Variants in HMGXB4 observed in about 807,000 individuals in gnomAD.
The protein encoded by HMGXB4 is HMG-box containing 4, also known as HMG domain-containing protein 4.
A neutral mutation model predicts 63.9 loss-of-function variants in HMGXB4; 27 were observed. The observed-to-expected ratio is 0.42, with a 90% CI of 0.31 to 0.58. The LOEUF (loss-of-function observed/expected upper bound fraction) is 0.58. HMGXB4 is among the 20% of genes least tolerant of loss of function. HMGXB4 has a pLI of 0.13. For synonymous variants in HMGXB4, 264 were observed against 265.3 expected, an observed-to-expected ratio of 0.99 and a Z score of 0.05; for missense variants, 624 against 700.7, an observed-to-expected ratio of 0.89 and a Z score of 1.24.
the HMGXB4 span, among the ~76,000 whole-genome samples, chr22:35,246,295 C>G: frequency 4.2e-3 from 642 of 151,622 alleles, 6 homozygotes; most frequent in African/African-American, 0.014. Context: ...TTTTTCTTGA[C>G]ATGGAGTCTC....
chr22:35,261,204 G>A (rs1225391306), intron 1 of HMGXB4, among the ~76,000 whole-genome samples: 4 of 152,160 alleles, frequency 2.6e-5, no homozygotes, highest in African/African-American at 9.7e-5. Context: ...TTGGGAGGCC[G>A]AGGTGGGTGG....
chr22:35,292,047 A>T (rs1172778131), intron 9 of HMGXB4, among the ~76,000 whole-genome samples: 1 of 152,196 alleles, frequency 6.6e-6, no homozygotes, highest in South Asian at 2.1e-4. Context: ...TGGGAAGGTT[A>T]TTCTTCCTTA....
intron 9 of HMGXB4, among the ~76,000 whole-genome samples, chr22:35,290,517 C>T (rs761939275): frequency 2.6e-5 from 4 of 150,972 alleles, no homozygotes; most frequent in South Asian, 2.1e-4. Flanking sequence ...TGGTGGCGGG[C>T]GCCTGTGAGA....
intron 5 of HMGXB4, among the ~76,000 whole-genome samples, chr22:35,274,681 C>T (rs994308274): frequency 6.6e-6 from 1 of 152,180 alleles, no homozygotes; most frequent in Non-Finnish European, 1.5e-5. Context: ...ACAAGAGCCA[C>T]GCTCATTTCA....
intron 9 of HMGXB4, among the ~76,000 whole-genome samples, chr22:35,291,409 G>A (rs937936874): frequency 2.0e-5 from 3 of 152,098 alleles, no homozygotes; most frequent in African/African-American, 4.8e-5. Context: ...GAACTACAGG[G>A]GTTTTTACAG....
Position 35,292,984 on chromosome 22 carries a change from C to G in HMGXB4, c.1639-8C>G. 6.2e-7 allele frequency: 1 copy of G among 1,614,248 alleles called. No homozygotes were observed. The highest frequency in any genetic ancestry group is 8.5e-7 in the Non-Finnish European group (1 of 1,180,030). On this transcript the variant is annotated splice_polypyrimidine_tract_variant and splice_region_variant and intron_variant, in intron 9 of 10. Transcript: ENST00000216106. ...GTGACTCAAGCAACAACCTCCTCTC[C>G]TTTTCAGGGTATGGTGGCTGTGTCT...
the HMGXB4 span, among the ~76,000 whole-genome samples, chr22:35,250,339 G>A: frequency 6.6e-6 from 1 of 152,182 alleles, no homozygotes; most frequent in Non-Finnish European, 1.5e-5. Flanking sequence ...TTACAATCAT[G>A]GCAGAAGGGG....
intron 8 of HMGXB4, among the ~76,000 whole-genome samples, chr22:35,287,746 C>T (rs915433539): frequency 4.6e-5 from 7 of 151,862 alleles, no homozygotes; most frequent in African/African-American, 1.4e-4. Flanking sequence ...GTCAGGAGTT[C>T]GACACCAGCC....
chr22:35,258,005 T>A (rs1158982900), intron 1 of HMGXB4: 1 of 152,034 alleles, frequency 6.6e-6, no homozygotes. Flanking sequence ...AAAGGGCTCG[T>A]GGCCGCGGCC....
Position 35,265,430 on chromosome 22 carries a change from C to G in HMGXB4, c.1042C>G (p.Leu348Val), listed in dbSNP as rs770934352. The change falls in exon 5 of 11, where the codon CTT (leucine) becomes GTT (valine). Residue 348 changes from leucine (L) to valine (V), a missense_variant. Around this residue, in one of 2 missense-constraint regions of HMGXB4, gnomAD observed 472 missense variants for 470.6 expected, o/e 1.00. Transcript: ENST00000216106. The stretch of plus-strand genomic sequence containing the variant: ...CTCCAAGTCCAAGAGAAGTTTAGGA[C>G]TTTCTGCCGTGCCAGTGGGAGAGGT... Reference protein sequence around the residue: ...RHSKSKRSLGLSAVPVGEVTV... With the variant: ...RHSKSKRSLGVSAVPVGEVTV... The G allele has an allele frequency of 2.5e-6, 4 of 1,613,978 alleles. No individual in the cohort carries two copies. The East Asian group carries it at 8.9e-5, about 36-fold the overall frequency.
chr22:35,266,395 ACTGT>A (rs1344958068), intron 5 of HMGXB4, among the ~76,000 whole-genome samples: 1 of 152,128 alleles, frequency 6.6e-6, no homozygotes, highest in Non-Finnish European at 1.5e-5. Flanking sequence ...ATGTTCTTTT[ACTGT>A]CTGAGTGCTT....
At chr22:35,265,817 C>G (rs1323240905) in intron 5 of HMGXB4, among the ~76,000 whole-genome samples, 2 of 149,292 alleles carry the variant, frequency 1.3e-5, no homozygotes, top group Non-Finnish European at 3.0e-5. Flanking sequence ...GATGGAGTCT[C>G]GCTCTGTCGC....
chr22:35,291,364 T>C lies in HMGXB4; in HGVS notation c.1639-1628T>C, dbSNP rs1472977862. ...GAACCCAAATTGCAGAGGGACTTCA[T>C]AGACATTCTGAAGTGTGTATACTTC... On this transcript the variant is annotated intron_variant, in intron 9 of 10. Transcript: ENST00000216106. Among the ~76,000 whole-genome samples, 3 of 152,192 alleles carry C rather than the reference T, an allele frequency of 2.0e-5. No homozygotes were observed. In the East Asian group the frequency reaches 5.8e-4, roughly 29 times the overall value.
At chr22:35,251,202 G>A in the HMGXB4 span, among the ~76,000 whole-genome samples, 6 of 151,656 alleles carry the variant, frequency 4.0e-5, no homozygotes, top group Admixed American at 2.0e-4. Context: ...AGCCTCCCGA[G>A]TAGCTGGGAC....
At chr22:35,247,700 CATA>C in the HMGXB4 span, among the ~76,000 whole-genome samples, 1 of 152,092 alleles carries the variant, frequency 6.6e-6, no homozygotes, top group African/African-American at 2.4e-5. Flanking sequence ...CTGCCCGATG[CATA>C]ATGTCTGAAA....
chr22:35,271,565 A>T (rs576605003), intron 5 of HMGXB4, among the ~76,000 whole-genome samples: 1 of 152,310 alleles, frequency 6.6e-6, no homozygotes, highest in South Asian at 2.1e-4. Flanking sequence ...GTGATGTTGG[A>T]TAAGTTACAG....
chr22:35,284,146 C>A, intron 6 of HMGXB4, 103 bp downstream of exon 6: 1 of 829,050 alleles, frequency 1.2e-6, no homozygotes. Context: ...AATCTTGTTT[C>A]TTTCCTCAGT....
intron 1 of HMGXB4, among the ~76,000 whole-genome samples, chr22:35,259,130 C>G (rs1037341614): frequency 6.6e-6 from 1 of 151,958 alleles, no homozygotes; most frequent in African/African-American, 2.4e-5. Context: ...AAGAGCAACT[C>G]TGCCCCCTCC....
At chr22:35,269,071 C>T (rs1568998566) in intron 5 of HMGXB4, among the ~76,000 whole-genome samples, 1 of 152,184 alleles carries the variant, frequency 6.6e-6, no homozygotes, top group Non-Finnish European at 1.5e-5. Flanking sequence ...TAAGGGAAGA[C>T]TGATGCTTAG....
Sources: allele counts gnomAD v4.1 joint callset (sites outside exome capture counted in the v4.1 genomes callset), GRCh38; gene constraint gnomAD v4.1.1; regional missense constraint gnomAD v4.1.1; transcripts MANE v1.5; gene names NCBI Gene and HGNC (gene_info 2026-07-23, HGNC 2026-07-21).